Variants in LRMDA observed in about 807,000 individuals in gnomAD.
LRMDA encodes leucine rich melanocyte differentiation associated.
LRMDA carries 18 observed loss-of-function variants against 29.8 expected under a neutral mutation model. That is an observed-to-expected ratio of 0.60 (90% CI 0.42 to 0.90). LRMDA has a LOEUF of 0.90. LRMDA is among the 40% of genes least tolerant of loss of function. The pLI, the probability that LRMDA is intolerant of heterozygous loss-of-function variation, is 0.00. For synonymous variants in LRMDA, 125 were observed against 109.4 expected, an observed-to-expected ratio of 1.14 and a Z score of -0.89; for missense variants, 273 against 273.9, an observed-to-expected ratio of 1.00 and a Z score of 0.02.
chr10:76,507,708 C>T (rs376007457), intron 6 of LRMDA, among the ~76,000 whole-genome samples: 6 of 152,184 alleles, frequency 3.9e-5, no homozygotes, highest in African/African-American at 1.2e-4. Flanking sequence ...TATTGTTCTG[C>T]ATATGGGTGT....
At chr10:76,122,747 C>T (rs1185953750) in intron 5 of LRMDA, among the ~76,000 whole-genome samples, 1 of 152,178 alleles carries the variant, frequency 6.6e-6, no homozygotes, top group Non-Finnish European at 1.5e-5. Context: ...TGAACATGAA[C>T]ATGAACTCTA....
intron 2 of LRMDA, among the ~76,000 whole-genome samples, chr10:75,564,548 C>G (rs900647096): frequency 6.6e-6 from 1 of 152,248 alleles, no homozygotes; most frequent in Admixed American, 6.5e-5. Flanking sequence ...CACTGTCCTG[C>G]ACCCACTGTC....
At chr10:75,743,262 A>T (rs1411469141) in intron 2 of LRMDA, among the ~76,000 whole-genome samples, 1 of 152,142 alleles carries the variant, frequency 6.6e-6, no homozygotes, top group East Asian at 1.9e-4. Flanking sequence ...CCCTCAGTTA[A>T]TCCGAATTAC....
intron 2 of LRMDA, among the ~76,000 whole-genome samples, chr10:75,847,912 C>A (rs1348605701): frequency 6.6e-6 from 1 of 152,162 alleles, no homozygotes; most frequent in East Asian, 1.9e-4. Context: ...TAGAAAGTAA[C>A]CTGTACTGCT....
chr10:76,308,957 AT>A (rs1201430093), intron 5 of LRMDA, among the ~76,000 whole-genome samples: 3 of 152,054 alleles, frequency 2.0e-5, no homozygotes, highest in Non-Finnish European at 4.4e-5. Context: ...GGGGTCTTTG[AT>A]CAAAGAATGG....
intron 6 of LRMDA, among the ~76,000 whole-genome samples, chr10:76,516,807 G>A (rs1396278641): frequency 6.6e-6 from 1 of 152,154 alleles, no homozygotes; most frequent in Non-Finnish European, 1.5e-5. Flanking sequence ...AAACATACGT[G>A]TGCATGTGTC....
chr10:76,390,133 A>G (rs1307068836), intron 6 of LRMDA, among the ~76,000 whole-genome samples: 1 of 152,196 alleles, frequency 6.6e-6, no homozygotes, highest in Admixed American at 6.5e-5. Context: ...CAATTATTCC[A>G]CAGGCTCATC....
intron 2 of LRMDA, among the ~76,000 whole-genome samples, chr10:75,512,777 A>G (rs948152816): frequency 1.9e-4 from 29 of 152,190 alleles, no homozygotes; most frequent in Admixed American, 3.3e-4. Context: ...AAATTGAGAA[A>G]GTAAGTGTGC....
intron 5 of LRMDA, among the ~76,000 whole-genome samples, chr10:76,212,762 G>C (rs1851659432): frequency 6.6e-6 from 1 of 152,192 alleles, no homozygotes; most frequent in Non-Finnish European, 1.5e-5. Flanking sequence ...ACATGGATTG[G>C]GAATCCTGTG....
intron 6 of LRMDA, among the ~76,000 whole-genome samples, chr10:76,502,093 C>G (rs1426872218): frequency 6.6e-6 from 1 of 151,850 alleles, no homozygotes; most frequent in Non-Finnish European, 1.5e-5. Flanking sequence ...GCCAGTTATC[C>G]CAGCATCATT....
At chr10:76,033,515 A>ATCT (rs1848187067) in intron 2 of LRMDA, among the ~76,000 whole-genome samples, 1 of 151,950 alleles carries the variant, frequency 6.6e-6, no homozygotes, top group Non-Finnish European at 1.5e-5. Flanking sequence ...GGCTCTCCCC[A>ATCT]TCTTCATGCT....
intron 2 of LRMDA, among the ~76,000 whole-genome samples, chr10:75,720,769 C>G (rs974994523): frequency 2.0e-5 from 3 of 152,180 alleles, no homozygotes; most frequent in Non-Finnish European, 4.4e-5. Flanking sequence ...GATGAAATCT[C>G]TTTATTCTCC....
intron 2 of LRMDA, among the ~76,000 whole-genome samples, chr10:75,648,686 C>A (rs1841560119): frequency 6.6e-6 from 1 of 152,044 alleles, no homozygotes; most frequent in African/African-American, 2.4e-5. Flanking sequence ...TCACAGCAAA[C>A]CTGACAATTA....
chr10:75,994,979 A>C (rs1847435766), intron 2 of LRMDA, among the ~76,000 whole-genome samples: 1 of 151,948 alleles, frequency 6.6e-6, no homozygotes, highest in Non-Finnish European at 1.5e-5. Context: ...TGGCTGCTTC[A>C]TACCTCTCTT....
At chr10:76,456,525 T>C (rs1842458309) in intron 6 of LRMDA, among the ~76,000 whole-genome samples, 1 of 152,160 alleles carries the variant, frequency 6.6e-6, no homozygotes, top group Non-Finnish European at 1.5e-5. Context: ...TCTTATGCCC[T>C]TTAAGAAAAG....
At chr10:76,133,613 T>A (rs1233238801) in intron 5 of LRMDA, among the ~76,000 whole-genome samples, 1 of 152,194 alleles carries the variant, frequency 6.6e-6, no homozygotes, top group South Asian at 2.1e-4. Flanking sequence ...TTAAAAAGAA[T>A]GTTAAATACA....
chr10:76,492,100 C>T (rs553244360), intron 6 of LRMDA, among the ~76,000 whole-genome samples: 31 of 152,110 alleles, frequency 2.0e-4, no homozygotes, highest in African/African-American at 6.5e-4. Flanking sequence ...TCCTTCTCTT[C>T]GTTATCTTGA....
intron 6 of LRMDA, among the ~76,000 whole-genome samples, chr10:76,520,877 G>A (rs1039260362): frequency 8.6e-5 from 13 of 152,012 alleles, no homozygotes; most frequent in Non-Finnish European, 8.8e-5. Context: ...GCTTCTTTTA[G>A]TATATGTTCC....
chr10:76,547,710 A>C (rs1343925835), intron 6 of LRMDA, among the ~76,000 whole-genome samples: 1 of 152,040 alleles, frequency 6.6e-6, no homozygotes, highest in Non-Finnish European at 1.5e-5. Context: ...TCAAACATTG[A>C]GAAAGAAACG....
Sources: gnomAD v4.1 joint callset for allele counts (sites outside exome capture counted in the v4.1 genomes callset) on GRCh38, gnomAD v4.1.1 for gene constraint, MANE v1.5 for transcripts, NCBI Gene and HGNC (gene_info 2026-07-23, HGNC 2026-07-21) for gene names.